Variants in GTF3C4 observed in about 807,000 individuals in gnomAD.
GTF3C4 encodes general transcription factor 3C polypeptide 4.
A neutral mutation model predicts 67.5 loss-of-function variants in GTF3C4; 28 were observed. The observed-to-expected ratio is 0.41, with a 90% CI of 0.31 to 0.57. The LOEUF (loss-of-function observed/expected upper bound fraction) is 0.57, where lower values mean the gene tolerates loss of function less well. Ranked by LOEUF, GTF3C4 falls within the 20% of genes least tolerant of loss-of-function variation. GTF3C4 has a pLI of 0.21. For missense variants in GTF3C4, 831 were observed against 1,033.2 expected (o/e 0.80, Z 2.68); for synonymous variants, 409 against 393.0 (o/e 1.04, Z -0.48).
rs763400777 is a variant in GTF3C4, at chr9:132,679,553, T to C, written c.1934T>C (p.Val645Ala). Residue 645 changes from valine to alanine, a missense_variant, in exon 2 of 5, where the codon GTA (valine) becomes GCA (alanine). By Grantham distance (64) the Val-to-Ala change is moderately conservative. Around this residue, in one of 4 missense-constraint regions of GTF3C4, gnomAD observed 75 missense variants for 66.4 expected, o/e 1.13. Transcript: ENST00000372146. This position sits in a 1 kb window ranked among gnomAD's most constrained non-coding sequence, Gnocchi z 5.9. ...GLQERSKEGD[V>A]EEPTDDSLPT... ...CAGGAGAGGAGCAAGGAAGGAGATGTAGAGGAGCCCACTGATGACTCGCTC... is the reference window on the plus strand; with the variant it reads ...CAGGAGAGGAGCAAGGAAGGAGATGCAGAGGAGCCCACTGATGACTCGCTC... The C allele has an allele frequency of 1.2e-5, 20 of 1,613,970 alleles. No homozygotes were observed. The South Asian group carries it at 1.9e-4, about 15-fold the overall frequency.
intron 4 of GTF3C4, among the ~76,000 whole-genome samples, chr9:132,688,568 T>G (rs1272817601): frequency 6.6e-6 from 1 of 152,258 alleles, no homozygotes; most frequent in Non-Finnish European, 1.5e-5. Flanking sequence ...TAACAATGTA[T>G]GAAGAACACA....
chr9:132,675,895 C>CT (rs72145516), intron 1 of GTF3C4, among the ~76,000 whole-genome samples: 24,889 of 87,828 alleles, frequency 0.28, 4,744 homozygotes, highest in South Asian at 0.41. Flanking sequence ...TCCAGTTACC[C>CT]TTTTTTTTTT....
At chr9:132,688,749 A>G (rs959978283) in intron 4 of GTF3C4, 132 bp from the exon 5 acceptor site, 26 of 714,860 alleles carry the variant, frequency 3.6e-5, no homozygotes, top group Middle Eastern at 2.7e-4. Flanking sequence ...TGCTTTGTCT[A>G]GGGATATGTA....
At chr9:132,670,246 C>T, upstream of GTF3C4, 1 of 1,525,614 alleles carries the variant, frequency 6.6e-7, no homozygotes, top group Non-Finnish European at 8.8e-7. Context: ...AGATCCGGCG[C>T]CATCTCACCG....
In GTF3C4 at chr9:132,687,346, T is replaced by C. The variant is rs1281213860; in HGVS notation, c.2404+19T>C. On this transcript the variant is annotated intron_variant, in intron 4 of 4. Transcript: ENST00000372146. ...CCAGAAGGTGAGTGCTTTCCCTTACTTGGGAGGGTGGGTGGGTGGAACATG... is the reference window on the plus strand; with the variant it reads ...CCAGAAGGTGAGTGCTTTCCCTTACCTGGGAGGGTGGGTGGGTGGAACATG... The C allele has an allele frequency of 8.1e-6, 2 of 246,116 alleles. No homozygotes were observed. The highest frequency in any genetic ancestry group is 5.3e-5 in the Admixed American group (1 of 18,782). The allele number at this position is 246,116 out of a possible 1,614,324, so 15.2% of individuals were successfully genotyped here. A position where few individuals can be genotyped will look rare whatever the true frequency, so the allele number is the denominator to read the frequency against.
At chr9:132,681,769 G>A (rs1238232251) in intron 2 of GTF3C4, among the ~76,000 whole-genome samples, 1 of 152,094 alleles carries the variant, frequency 6.6e-6, no homozygotes, top group African/African-American at 2.4e-5. Flanking sequence ...ACAGTTGAGA[G>A]TTCAGCTTGC....
At position 132,678,822 on chromosome 9, in the gene GTF3C4, G is replaced by A; in HGVS notation, c.1203G>A (p.Trp401Ter). The A allele has an allele frequency of 6.2e-7, 1 of 1,614,144 alleles. No individual in the cohort carries two copies. Among genetic ancestry groups the A allele is most frequent in the Non-Finnish European group, 8.5e-7 (1 of 1,180,024 alleles). Reference protein sequence around the residue: ...VVAARGSYVFWCLLLISKAGL... With the variant: ...VVAARGSYVF ...CTGCAAGAGGCTCTTATGTATTTTG[G>A]TGTCTTCTTCTGATCTCCAAAGCAG... Residue 401 changes from tryptophan (W) to a stop codon, truncating the protein, a stop_gained, in exon 2 of 5, where the codon TGG becomes TGA. Transcript: ENST00000372146. LOFTEE classifies it high-confidence loss of function. This position sits in a 1 kb window ranked among gnomAD's most constrained non-coding sequence, Gnocchi z 6.5.
chr9:132,684,679 C>T (rs1346278389), intron 3 of GTF3C4, among the ~76,000 whole-genome samples: 1 of 152,172 alleles, frequency 6.6e-6, no homozygotes, highest in Non-Finnish European at 1.5e-5. Context: ...AGGCGCCCTC[C>T]ACCTCAGGAC....
At position 132,694,623 on chromosome 9, in the gene GTF3C4, A is replaced by G. The variant is rs1357661287; in HGVS notation, c.*5678A>G. 1 of 152,228 alleles carries G rather than the reference A, an allele frequency of 6.6e-6. No individual in the cohort carries two copies. Among genetic ancestry groups the G allele is most frequent in the Non-Finnish European group, 1.5e-5 (1 of 68,042 alleles). The allele number at this position is 152,228 out of a possible 1,614,324, so 9.4% of individuals were successfully genotyped here. On this transcript the variant is annotated 3_prime_UTR_variant, in exon 5 of 5. Coordinates refer to ENST00000372146, the MANE Select transcript of GTF3C4 (RefSeq NM_012204.4). ...AATTTGGGGAGGGTGGTTTGTCAGT[A>G]TAAGGCCCTGTGGGGTAATCATATT...
In GTF3C4 at chr9:132,692,888, C is replaced by CT. The variant is rs1836140101; in HGVS notation, c.*3945dup. The CT allele has an allele frequency of 6.6e-6, 1 of 152,216 alleles. No homozygotes were observed. Among genetic ancestry groups the CT allele is most frequent in the South Asian group, 2.1e-4 (1 of 4,828 alleles). The allele number at this position is 152,216 out of a possible 1,614,324, so 9.4% of individuals were successfully genotyped here. A position where few individuals can be genotyped will look rare whatever the true frequency, so the allele number is the denominator to read the frequency against. ...ATAGTTATACTTAGAACTGCTCTTT[C>CT]TTGAAGCTAAAAGAGGTTTTTGGAG... On this transcript the variant is annotated 3_prime_UTR_variant, in exon 5 of 5. Coordinates refer to ENST00000372146, the MANE Select transcript of GTF3C4 (RefSeq NM_012204.4).
intron 1 of GTF3C4, among the ~76,000 whole-genome samples, 194 bp downstream of exon 1, chr9:132,671,149 C>T (rs1011954162): frequency 7.9e-5 from 12 of 152,160 alleles, no homozygotes; most frequent in Admixed American, 1.3e-4. Context: ...GCTGTCTGCA[C>T]CCTGTTTCCC....
At chr9:132,683,030 G>A (rs1428065224) in intron 2 of GTF3C4, among the ~76,000 whole-genome samples, 1 of 152,158 alleles carries the variant, frequency 6.6e-6, no homozygotes, top group Admixed American at 6.5e-5. Flanking sequence ...TCTGCAGTGG[G>A]GTCAGCTTGT....
In GTF3C4 at chr9:132,670,515, G is replaced by T; in HGVS notation, c.-84G>T. ...AGGGGAGAAAACCGCCGCGGAGGGC[G>T]CTGGGGGTGGCGGCGGCGGTCCGGG... is the stretch of plus-strand genomic sequence containing the variant. On this transcript the variant is annotated 5_prime_UTR_variant, in exon 1 of 5. Coordinates refer to ENST00000372146, the MANE Select transcript of GTF3C4 (RefSeq NM_012204.4). 1.8e-6 allele frequency: 2 copies of T among 1,138,092 alleles called. No individual in the cohort carries two copies. The highest frequency in any genetic ancestry group is 2.3e-6 in the Non-Finnish European group (2 of 854,240). The allele number at this position is 1,138,092 out of a possible 1,614,324, so 70.5% of individuals were successfully genotyped here.
Position 132,689,013 on chromosome 9 carries a change from G to A in GTF3C4, c.*68G>A, listed in dbSNP as rs1836072953. 8 of 1,177,260 alleles carry A rather than the reference G, an allele frequency of 6.8e-6. No individual in the cohort carries two copies. Among genetic ancestry groups the A allele is most frequent in the Admixed American group, 1.7e-5 (1 of 59,212 alleles). The allele number at this position is 1,177,260 out of a possible 1,614,324, so 72.9% of individuals were successfully genotyped here. A position where few individuals can be genotyped will look rare whatever the true frequency, so the allele number is the denominator to read the frequency against. ...CATAGAAAACTTCCTCCAGCCTGAAGAGAAGGATGCACTGGAGGAAGCCGG... is the reference window on the plus strand; with the variant it reads ...CATAGAAAACTTCCTCCAGCCTGAAAAGAAGGATGCACTGGAGGAAGCCGG... On this transcript the variant is annotated 3_prime_UTR_variant, in exon 5 of 5. Transcript: ENST00000372146.
intron 2 of GTF3C4, among the ~76,000 whole-genome samples, chr9:132,682,261 G>T (rs1194757124): frequency 1.3e-5 from 2 of 151,998 alleles, no homozygotes; most frequent in African/African-American, 4.8e-5. Context: ...AGACTGAAAA[G>T]AAAAAAGGCC....
In GTF3C4 at chr9:132,670,922, G is replaced by C; in HGVS notation, c.324G>C (p.Ser108=). Residue 108 remains serine, a synonymous_variant, in exon 1 of 5, where the codon TCG becomes TCC. Coordinates refer to ENST00000372146, the MANE Select transcript of GTF3C4 (RefSeq NM_012204.4). ...AGGACCTGGTTATCCACCGCACCTC[G>C]GTGCCCGCACCGCTCAACAGCTGTC... ...PGQDLVIHRT[S]VPAPLNSCLL... The C allele has an allele frequency of 6.2e-7, 1 of 1,612,160 alleles. No homozygotes were observed. The highest frequency in any genetic ancestry group is 8.5e-7 in the Non-Finnish European group (1 of 1,179,666).
Position 132,678,424 on chromosome 9 carries a change from C to T in GTF3C4, c.805C>T (p.Arg269Trp), listed in dbSNP as rs754499700. 4.3e-6 allele frequency: 7 copies of T among 1,614,028 alleles called. No individual in the cohort carries two copies. Among genetic ancestry groups the T allele is most frequent in the African/African-American group, 2.7e-5 (2 of 74,926 alleles). ...TQQVKHNNEC[R>W]DVGSVLLAVL... ...GCAGGTCAAGCATAACAACGAATGC[C>T]GGGACGTTGGCAGTGTGCTCCTGGC... Residue 269 changes from arginine (R) to tryptophan (W), a missense_variant, in exon 2 of 5, where the codon CGG becomes TGG. By Grantham distance (101) the Arg-to-Trp change is moderately radical. Coordinates refer to ENST00000372146, the MANE Select transcript of GTF3C4 (RefSeq NM_012204.4). This position sits in a 1 kb window ranked among gnomAD's most constrained non-coding sequence, Gnocchi z 6.5.
chr9:132,685,014 A>ATT (rs3041416), intron 3 of GTF3C4, among the ~76,000 whole-genome samples: 12,936 of 135,394 alleles, frequency 0.096, 1,145 homozygotes, highest in African/African-American at 0.22. Context: ...AAATTTTTTA[A>ATT]TTTTTTTTTT....
chr9:132,686,103 A>G (rs1836023319), intron 3 of GTF3C4, among the ~76,000 whole-genome samples: 1 of 139,842 alleles, frequency 7.2e-6, no homozygotes, highest in Admixed American at 7.3e-5. Context: ...GGGGAGCATC[A>G]TGATTACTTT....
Sources: allele counts gnomAD v4.1 joint callset (sites outside exome capture counted in the v4.1 genomes callset), GRCh38; gene constraint gnomAD v4.1.1; regional missense constraint gnomAD v4.1.1; non-coding constraint Gnocchi (gnomAD v3.1); transcripts MANE v1.5; gene names NCBI Gene and HGNC (gene_info 2026-07-23, HGNC 2026-07-21).